The following ZNF804B variants were observed in gnomAD, a reference collection of about 807,000 sequenced individuals.
ZNF804B encodes zinc finger protein 804B, also known as zinc finger 804B.
A neutral mutation model predicts 101.4 loss-of-function variants in ZNF804B; 80 were observed. The ratio of observed to expected loss-of-function variants is 0.79; its 90% CI spans 0.66 to 0.95. The LOEUF (loss-of-function observed/expected upper bound fraction) is 0.95. Ranked by LOEUF, ZNF804B falls within the 40% of genes least tolerant of loss-of-function variation. The probability of loss-of-function intolerance (pLI) is 0.00; values close to 1 mark genes in which losing one functional copy is unlikely to be tolerated. For missense variants in ZNF804B, 1,673 were observed against 1,561.9 expected, an observed-to-expected ratio of 1.07 and a Z score of -1.20; for synonymous variants, 622 against 558.8, an observed-to-expected ratio of 1.11 and a Z score of -1.59.
intron 1 of ZNF804B, among the ~76,000 whole-genome samples, chr7:88,948,337 G>C (rs1403729003): frequency 7.5e-6 from 1 of 132,962 alleles, no homozygotes; most frequent in Non-Finnish European, 1.6e-5. Context: ...TTTTTGAGAT[G>C]AGGGTCTCTC....
intron 1 of ZNF804B, among the ~76,000 whole-genome samples, chr7:88,901,474 A>C (rs1178983216): frequency 2.0e-5 from 3 of 151,904 alleles, no homozygotes; most frequent in Non-Finnish European, 3.0e-5. Flanking sequence ...CTTGCAAATT[A>C]GAAATAGTAA....
chr7:89,156,357 C>T (rs1790976073), intron 1 of ZNF804B, among the ~76,000 whole-genome samples: 1 of 152,092 alleles, frequency 6.6e-6, no homozygotes, highest in Non-Finnish European at 1.5e-5. Context: ...TCTGGTGATC[C>T]ACCTGCCTTG....
intron 1 of ZNF804B, among the ~76,000 whole-genome samples, chr7:89,210,498 C>A (rs12704447): frequency 0.23 from 34,249 of 152,060 alleles, 4,240 homozygotes; most frequent in Non-Finnish European, 0.27. Context: ...TCCCATCCCC[C>A]ACCCAACCCC....
chr7:89,037,894 A>T lies in ZNF804B; in HGVS notation c.109-180261A>T, dbSNP rs1023705425. On this transcript the variant is annotated intron_variant, in intron 1 of 3. Coordinates refer to ENST00000333190, the MANE Select transcript of ZNF804B (RefSeq NM_181646.5). The stretch of plus-strand genomic sequence containing the variant: ...ACTTGTTTAGATACCACGCATGAAT[A>T]AGATTATGCAGCATTGTCTTACTAT... Among the ~76,000 whole-genome samples the T allele has an allele frequency of 3.3e-5, 5 of 152,150 alleles. No individual in the cohort carries two copies. The South Asian group carries it at 6.2e-4, about 19-fold the overall frequency.
At chr7:88,998,987 T>G (rs995571391) in intron 1 of ZNF804B, among the ~76,000 whole-genome samples, 1 of 152,132 alleles carries the variant, frequency 6.6e-6, no homozygotes, top group Admixed American at 6.6e-5. Context: ...AGATATTTTC[T>G]ACTCCTGAAA....
chr7:89,032,605 G>A (rs1393499934), intron 1 of ZNF804B, among the ~76,000 whole-genome samples: 6 of 152,000 alleles, frequency 3.9e-5, no homozygotes, highest in African/African-American at 1.5e-4. Context: ...AATATACATA[G>A]AGCTGGATTT....
chr7:89,001,882 T>C (rs767025829), intron 1 of ZNF804B, among the ~76,000 whole-genome samples: 82 of 151,918 alleles, frequency 5.4e-4, no homozygotes, highest in Non-Finnish European at 9.3e-4. Context: ...GTCCTTTTCT[T>C]ATCACAATAA....
At chr7:88,837,570 A>G (rs1365024742) in intron 1 of ZNF804B, among the ~76,000 whole-genome samples, 2 of 152,000 alleles carry the variant, frequency 1.3e-5, no homozygotes, top group Admixed American at 6.6e-5. Context: ...ATATAACAGT[A>G]TAATGTAACA....
chr7:89,333,457 G>T lies in ZNF804B; in HGVS notation c.475G>T (p.Val159Leu), dbSNP rs915366636. ...GIFPIKNGRK[V>L]SCMKSALLLK... ...TTTCCCCATTAAGAATGGCAGAAAG[G>T]TATCATGCATGAAGAGTGCTCTTCT... is the stretch of plus-strand genomic sequence containing the variant. Residue 159 changes from valine (V) to leucine (L), a missense_variant, in exon 4 of 4, where the codon GTA becomes TTA. Physicochemically the swap from Val to Leu is conservative, Grantham distance 32 (BLOSUM62 1). Coordinates refer to ENST00000333190, the MANE Select transcript of ZNF804B (RefSeq NM_181646.5). 5.0e-6 allele frequency: 8 copies of T among 1,613,024 alleles called. No homozygotes were observed. Among genetic ancestry groups the T allele is most frequent in the Non-Finnish European group, 6.8e-6 (8 of 1,179,502 alleles).
At chr7:88,896,526 ATTTTTAT>A (rs1215426179) in intron 1 of ZNF804B, among the ~76,000 whole-genome samples, 1 of 152,132 alleles carries the variant, frequency 6.6e-6, no homozygotes, top group East Asian at 1.9e-4. Context: ...TGATGTTTAC[ATTTTTAT>A]TTTTTATTTT....
At chr7:89,194,921 G>T (rs1417489592) in intron 1 of ZNF804B, among the ~76,000 whole-genome samples, 1 of 152,168 alleles carries the variant, frequency 6.6e-6, no homozygotes, top group Non-Finnish European at 1.5e-5. Flanking sequence ...CCATTTTCAT[G>T]ATATTGATTC....
chr7:89,141,793 A>G (rs959906073), intron 1 of ZNF804B, among the ~76,000 whole-genome samples: 7 of 151,862 alleles, frequency 4.6e-5, no homozygotes, highest in Non-Finnish European at 1.0e-4. Context: ...ATTTGTAAGT[A>G]TATTTTTTTT....
At chr7:88,807,503 G>A (rs2115726086) in intron 1 of ZNF804B, among the ~76,000 whole-genome samples, 1 of 152,288 alleles carries the variant, frequency 6.6e-6, no homozygotes, top group South Asian at 2.1e-4. Flanking sequence ...ACCTCTAAGA[G>A]GAGAGAATGT....
intron 1 of ZNF804B, among the ~76,000 whole-genome samples, chr7:89,052,547 G>T (rs1312175118): frequency 1.3e-5 from 2 of 152,036 alleles, no homozygotes; most frequent in Admixed American, 6.6e-5. Flanking sequence ...ACACATCAAA[G>T]AAGCATTTAT....
rs1417163888 is a variant in ZNF804B, at chr7:89,334,217, A to T, written c.1235A>T (p.Lys412Ile). The change falls in exon 4 of 4, where the codon AAA (lysine) becomes ATA (isoleucine). Residue 412 changes from lysine (K) to isoleucine (I), a missense_variant. Coordinates refer to ENST00000333190, the MANE Select transcript of ZNF804B (RefSeq NM_181646.5). ...AATTCCAGAATAGAGAACAGAGAAA[A>T]ATCTTTAGATAAAACAGAAAGAGTT... ...NPNSRIENRE[K>I]SLDKTERVSK... 2 of 1,613,558 alleles carry T rather than the reference A, an allele frequency of 1.2e-6. No individual in the cohort carries two copies. The highest frequency in any genetic ancestry group is 3.3e-5 in the Admixed American group (2 of 59,868).
chr7:88,804,250 C>A (rs901628036), intron 1 of ZNF804B, among the ~76,000 whole-genome samples: 1 of 152,196 alleles, frequency 6.6e-6, no homozygotes, highest in Admixed American at 6.6e-5. Flanking sequence ...TGATAGTAAA[C>A]TATAGAGGAG....
At chr7:88,961,149 A>G (rs1019759433) in intron 1 of ZNF804B, among the ~76,000 whole-genome samples, 3 of 151,466 alleles carry the variant, frequency 2.0e-5, no homozygotes, top group African/African-American at 7.3e-5. Context: ...TATTCCAAAA[A>G]GCTTTTAACT....
intron 1 of ZNF804B, among the ~76,000 whole-genome samples, chr7:89,173,170 A>ATG (rs2116437491): frequency 6.6e-6 from 1 of 152,224 alleles, no homozygotes; most frequent in African/African-American, 2.4e-5. Flanking sequence ...TATGTGAAAC[A>ATG]TGTGTCTGGC....
intron 2 of ZNF804B, among the ~76,000 whole-genome samples, chr7:89,264,012 GTC>G (rs1274114483): frequency 6.6e-6 from 1 of 152,102 alleles, no homozygotes; most frequent in Non-Finnish European, 1.5e-5. Flanking sequence ...AGAAAATATT[GTC>G]TCTCATTTCA....
Sources: gnomAD v4.1 joint callset for allele counts (sites outside exome capture counted in the v4.1 genomes callset) on GRCh38, gnomAD v4.1.1 for gene constraint, MANE v1.5 for transcripts, NCBI Gene and HGNC (gene_info 2026-07-23, HGNC 2026-07-21) for gene names.